The following CNPY1 variants were observed in gnomAD, a reference collection of about 807,000 sequenced individuals.
The protein encoded by CNPY1 is protein canopy homolog 1.
CNPY1 carries 14 observed loss-of-function variants against 14.4 expected under a neutral mutation model. The ratio of observed to expected loss-of-function variants is 0.97; its 90% CI spans 0.64 to 1.52. The LOEUF is 1.52. Ranked by LOEUF, CNPY1 falls within the 40% of genes most tolerant of loss-of-function variation. CNPY1 has a pLI of 0.00. For missense variants in CNPY1, 129 were observed against 131.5 expected, an observed-to-expected ratio of 0.98 and a Z score of 0.09; for synonymous variants, 43 against 46.5, an observed-to-expected ratio of 0.92 and a Z score of 0.31.
chr7:155,505,850 A>T (rs1276938120), intron 4 of CNPY1, among the ~76,000 whole-genome samples: 1 of 152,214 alleles, frequency 6.6e-6, no homozygotes, highest in Non-Finnish European at 1.5e-5. Flanking sequence ...AAAGAAAAAT[A>T]CCCCAAATGC....
rs1175931876 is a variant in CNPY1 at position 155,509,034 on chromosome 7, T to G, written c.163A>C (p.Asn55His). The G allele has an allele frequency of 6.2e-7, 1 of 1,612,340 alleles. No homozygotes were observed. The highest frequency in any genetic ancestry group is 8.5e-7 in the Non-Finnish European group (1 of 1,179,532). ...DLLEKVCERM[N>H]DYKLEEDPVT... ...GGGTCTTCCTCAAGCTTGTAGTCGT[T>G]CATTCGCTCACAGACTTTCTCCAAA... The change falls in exon 3 of 5, where the codon AAC becomes CAC. Residue 55 changes from asparagine (N) to histidine (H), a missense_variant. Asn to His is a moderately conservative substitution (Grantham distance 68, BLOSUM62 1). Transcript: ENST00000636446.
chr7:155,536,949 G>A lies in CNPY1; in HGVS notation c.99+8882C>T, dbSNP rs575502483. On this transcript the variant is annotated intron_variant, in intron 2 of 4. Transcript: ENST00000636446. The surrounding 1 kb of genome is among the most constrained non-coding windows in gnomAD (Gnocchi z 4.1). ...ATAAAAGAGAAATAAAATAGAAGAT[G>A]GTACACAATAAAAGCCACCAAATAA... Among the ~76,000 whole-genome samples, 1 of 152,234 alleles carries A rather than the reference G, an allele frequency of 6.6e-6. No individual in the cohort carries two copies. The highest frequency in any genetic ancestry group is 2.1e-4 in the South Asian group (1 of 4,822).
intron 4 of CNPY1, 135 bp downstream of exon 4, chr7:155,506,885 G>GGAGAC (rs1796331191): frequency 1.6e-6 from 1 of 644,510 alleles, no homozygotes; most frequent in South Asian, 1.6e-5. Flanking sequence ...CTGATTCAGC[G>GGAGAC]GAGACGGGGG....
In CNPY1 at chr7:155,536,040, G is replaced by A. The variant is rs1378307770; in HGVS notation, c.99+9791C>T. On this transcript the variant is annotated intron_variant, in intron 2 of 4. Coordinates refer to ENST00000636446, the MANE Select transcript of CNPY1 (RefSeq NM_001393663.1). This position sits in a 1 kb window ranked among gnomAD's most constrained non-coding sequence, Gnocchi z 4.1. Reference sequence around the variant, plus strand: ...GAGGCTGGCAAGTATTTTATTTGGTGCAAGGTTTGGCTGTAGGTAGTAAAC... The same window carrying A: ...GAGGCTGGCAAGTATTTTATTTGGTACAAGGTTTGGCTGTAGGTAGTAAAC... Among the ~76,000 whole-genome samples the A allele has an allele frequency of 6.6e-6, 1 of 152,208 alleles. No homozygotes were observed. The highest frequency in any genetic ancestry group is 1.9e-4 in the East Asian group (1 of 5,194).
chr7:155,518,972 A>G (rs1246016974), intron 2 of CNPY1, among the ~76,000 whole-genome samples: 2 of 152,244 alleles, frequency 1.3e-5, no homozygotes, highest in South Asian at 2.1e-4. Context: ...ATTCCAGTTT[A>G]GAAATGGGTT....
At chr7:155,535,298 G>C (rs532321582) in intron 2 of CNPY1, among the ~76,000 whole-genome samples, 1 of 152,178 alleles carries the variant, frequency 6.6e-6, no homozygotes, top group Non-Finnish European at 1.5e-5. Flanking sequence ...CCTCCAGGAA[G>C]GTGAGCTGTG....
chr7:155,534,330 CGT>C (rs1796995609), intron 2 of CNPY1, among the ~76,000 whole-genome samples: 1 of 79,256 alleles, frequency 1.3e-5, no homozygotes, highest in Non-Finnish European at 3.2e-5. Context: ...TGCACACACA[CGT>C]GCACAGAGGC....
chr7:155,538,432 C>T (rs574066650), intron 2 of CNPY1, among the ~76,000 whole-genome samples: 17 of 152,208 alleles, frequency 1.1e-4, no homozygotes, highest in Non-Finnish European at 1.8e-4. Flanking sequence ...CCTTCACCCG[C>T]GTGTGACCCT....
Position 155,502,705 on chromosome 7 carries a change from A to C in CNPY1, c.*363T>G. On this transcript the variant is annotated 3_prime_UTR_variant, in exon 5 of 5. Transcript: ENST00000636446. The stretch of plus-strand genomic sequence containing the variant: ...TATCAGACAGCCACTGCGCTTGCAT[A>C]TGTGCACATACACTGTTATAAAATA... 1 of 198,512 alleles carries C rather than the reference A, an allele frequency of 5.0e-6. No individual in the cohort carries two copies. The highest frequency in any genetic ancestry group is 1.1e-4 in the East Asian group (1 of 8,876). The allele number at this position is 198,512 out of a possible 1,614,324, so 12.3% of individuals were successfully genotyped here. A position where few individuals can be genotyped will look rare whatever the true frequency, so the allele number is the denominator to read the frequency against.
At chr7:155,529,008 C>T (rs1196318088) in intron 2 of CNPY1, among the ~76,000 whole-genome samples, 1 of 151,040 alleles carries the variant, frequency 6.6e-6, no homozygotes, top group Non-Finnish European at 1.5e-5. Flanking sequence ...TTGCAGTGAG[C>T]AGAGATCGCG....
At position 155,540,929 on chromosome 7, in the gene CNPY1, T is replaced by C. The variant is rs564061437; in HGVS notation, c.99+4902A>G. ...AAGTAACTGCCTCCAAATTGTCTTG[T>C]GCTGTGTTGCCCTGTTTTAGGAAAG... is the stretch of plus-strand genomic sequence containing the variant. On this transcript the variant is annotated intron_variant, in intron 2 of 4. Coordinates refer to ENST00000636446, the MANE Select transcript of CNPY1 (RefSeq NM_001393663.1). 3.3e-5 allele frequency among the ~76,000 whole-genome samples: 5 copies of C among 152,368 alleles called. No individual in the cohort carries two copies. In the South Asian group the frequency reaches 1.0e-3, roughly 32 times the overall value.
intron 2 of CNPY1, among the ~76,000 whole-genome samples, chr7:155,511,994 T>C (rs1796541159): frequency 5.7e-5 from 8 of 139,498 alleles, no homozygotes; most frequent in Admixed American, 5.4e-4. Flanking sequence ...ATAACTGGGC[T>C]TTTTTTTCCC....
At chr7:155,515,546 A>AC (rs1310975121) in intron 2 of CNPY1, among the ~76,000 whole-genome samples, 2 of 151,984 alleles carry the variant, frequency 1.3e-5, no homozygotes, top group East Asian at 3.9e-4. Flanking sequence ...GCCCGACATG[A>AC]CCCCCTGATG....
chr7:155,503,155 G>A (rs1796176064), intron 4 of CNPY1, 50 bp from the exon 5 acceptor site: 1 of 1,428,200 alleles, frequency 7.0e-7, no homozygotes. Flanking sequence ...TTAGACTCCA[G>A]CCCGTTAAGT....
chr7:155,524,914 C>T (rs1043995657), intron 2 of CNPY1, among the ~76,000 whole-genome samples: 8 of 151,890 alleles, frequency 5.3e-5, no homozygotes, highest in African/African-American at 1.9e-4. Context: ...CTAAGGGGCC[C>T]AAGGGAAGAT....
At chr7:155,545,267 C>T (rs1187770197) in intron 2 of CNPY1, among the ~76,000 whole-genome samples, 1 of 152,198 alleles carries the variant, frequency 6.6e-6, no homozygotes, top group Admixed American at 6.5e-5. Flanking sequence ...GGGAAGGTGT[C>T]CCCTAATGGG....
intron 3 of CNPY1, among the ~76,000 whole-genome samples, chr7:155,507,465 T>G (rs1171452791): frequency 1.7e-5 from 1 of 57,580 alleles, no homozygotes; most frequent in Non-Finnish European, 2.8e-5. Flanking sequence ...CCAACGGTTT[T>G]TAAACTAAAA....
intron 3 of CNPY1, among the ~76,000 whole-genome samples, chr7:155,507,402 C>T (rs1486094390): frequency 7.3e-6 from 1 of 136,724 alleles, no homozygotes; most frequent in Non-Finnish European, 1.5e-5. Context: ...TTCCTTAAAT[C>T]GGACTGGAAG....
In CNPY1 at chr7:155,509,650, G is replaced by A. The variant is rs564802876; in HGVS notation, c.100-553C>T. ...TCCCCGGGGCTGCCCTTGGCTGCGC[G>A]TCCCCCACGCTGCAGCCGCGCGATG... On this transcript the variant is annotated intron_variant, in intron 2 of 4. Transcript: ENST00000636446. Among the ~76,000 whole-genome samples, 236 of 152,268 alleles carry A rather than the reference G, an allele frequency of 1.5e-3. 1 individual carries two copies. The highest frequency in any genetic ancestry group is 5.3e-3 in the African/African-American group (221 of 41,566).
Sources: allele counts gnomAD v4.1 joint callset (sites outside exome capture counted in the v4.1 genomes callset), GRCh38; gene constraint gnomAD v4.1.1; non-coding constraint Gnocchi (gnomAD v3.1); transcripts MANE v1.5; gene names NCBI Gene and HGNC (gene_info 2026-07-23, HGNC 2026-07-21).